Variants in ACSM2B observed in about 807,000 individuals in gnomAD.
ACSM2B encodes the protein acyl-CoA synthetase medium chain family member 2B, also known as acyl-coenzyme A synthetase ACSM2B, mitochondrial.
ACSM2B carries 58 observed loss-of-function variants against 78.6 expected under a neutral mutation model. That is an observed-to-expected ratio of 0.74 (90% CI 0.60 to 0.92). The LOEUF (loss-of-function observed/expected upper bound fraction) is 0.92, where lower values mean the gene tolerates loss of function less well. Ranked by LOEUF, ACSM2B falls within the 40% of genes least tolerant of loss-of-function variation. ACSM2B has a pLI of 0.00. For synonymous variants in ACSM2B, 257 were observed against 256.8 expected (o/e 1.00, Z -0.01); for missense variants, 688 against 711.2 (o/e 0.97, Z 0.37).
intron 1 of ACSM2B, among the ~76,000 whole-genome samples, chr16:20,570,068 T>C (rs2016052222): frequency 1.3e-5 from 2 of 151,928 alleles, no homozygotes; most frequent in African/African-American, 4.8e-5. Context: ...TCTTGTCTGA[T>C]TGATCTGGCT....
chr16:20,558,416 C>T (rs1464405392), intron 3 of ACSM2B, among the ~76,000 whole-genome samples: 3 of 150,184 alleles, frequency 2.0e-5, no homozygotes, highest in African/African-American at 4.8e-5. Flanking sequence ...ATTTAAGAAA[C>T]ATCCTCCATC....
chr16:20,561,034 G>A (rs1341188149), intron 2 of ACSM2B, among the ~76,000 whole-genome samples: 1 of 152,176 alleles, frequency 6.6e-6, no homozygotes, highest in Admixed American at 6.5e-5. Flanking sequence ...GAGCATTCAA[G>A]ATTTGACCTG....
chr16:20,559,548 T>C, intron 2 of ACSM2B, 101 bp from the exon 3 acceptor site: 1 of 1,447,868 alleles, frequency 6.9e-7, no homozygotes, highest in East Asian at 2.4e-5. Context: ...TAGTAAGGTT[T>C]TTTATCTCAG....
chr16:20,547,981 T>C, intron 8 of ACSM2B, 81 bp downstream of exon 8: 1 of 1,594,038 alleles, frequency 6.3e-7, no homozygotes, highest in Non-Finnish European at 8.5e-7. Flanking sequence ...TGATACATGG[T>C]GGCTAACATG....
chr16:20,537,154 T>G lies in ACSM2B; in HGVS notation c.*104A>C. ...CAGGGCAAGACAAAACTTACATTCA[T>G]GTTCTTTCATAAAGAATCTCATATC... On this transcript the variant is annotated 3_prime_UTR_variant, in exon 14 of 14. Transcript: ENST00000329697. 2.2e-6 allele frequency: 3 copies of G among 1,372,386 alleles called. No homozygotes were observed. The highest frequency in any genetic ancestry group is 3.0e-6 in the Non-Finnish European group (3 of 984,584). 85.0% of individuals were successfully genotyped at this position (1,372,386 alleles called of 1,614,324 possible). A position where few individuals can be genotyped will look rare whatever the true frequency, so the allele number is the denominator to read the frequency against.
chr16:20,538,712 A>G (rs2014908625), intron 13 of ACSM2B, among the ~76,000 whole-genome samples: 1 of 152,162 alleles, frequency 6.6e-6, no homozygotes, highest in African/African-American at 2.4e-5. Flanking sequence ...TCAGCATTCT[A>G]CAATATTCAG....
intron 2 of ACSM2B, among the ~76,000 whole-genome samples, chr16:20,559,687 A>G (rs2015590981): frequency 6.7e-6 from 1 of 150,212 alleles, no homozygotes; most frequent in Non-Finnish European, 1.5e-5. Context: ...TTTAGAAATA[A>G]CTGTAATAAA....
Position 20,548,390 on chromosome 16 carries a change from T to C in ACSM2B, c.974+4A>G, listed in dbSNP as rs769110427. The C allele has an allele frequency of 1.5e-5, 24 of 1,613,510 alleles. 2 individuals carry two copies. In the South Asian group the frequency reaches 2.5e-4, roughly 17 times the overall value. Reference sequence around the variant, plus strand: ...TCTCTTACCAATCCTCAAAGCCCCATCACCTGGAAAGATCCTGCTGTAGCA... The same window carrying C: ...TCTCTTACCAATCCTCAAAGCCCCACCACCTGGAAAGATCCTGCTGTAGCA... On this transcript the variant is annotated splice_donor_region_variant and intron_variant, in intron 7 of 13. Transcript: ENST00000329697.
rs1037011706 is a variant in ACSM2B at position 20,559,520 on chromosome 16, G to T, written c.178-73C>A. 9.7e-6 allele frequency: 15 copies of T among 1,547,068 alleles called. No homozygotes were observed. The African/African-American group carries it at 1.7e-4, about 17-fold the overall frequency. On this transcript the variant is annotated intron_variant, in intron 2 of 13. Coordinates refer to ENST00000329697, the MANE Select transcript of ACSM2B (RefSeq NM_001105069.2). The stretch of plus-strand genomic sequence containing the variant: ...AGGTAGGATAAATTCCAAGTCTTGG[G>T]ATTGCCAAGCTGGTGCTTAGTAAGG...
At chr16:20,554,032 C>G in intron 4 of ACSM2B, 112 bp from the exon 5 acceptor site, 6 of 1,306,914 alleles carry the variant, frequency 4.6e-6, no homozygotes, top group Non-Finnish European at 5.4e-6. Context: ...TTGATGGACC[C>G]ACCTCACAAG....
Position 20,552,020 on chromosome 16 carries a change from C to T in ACSM2B, c.894+124G>A, listed in dbSNP as rs143523647. 2.5e-3 allele frequency: 3,708 copies of T among 1,473,686 alleles called. 16 individuals are homozygous for T. Among genetic ancestry groups the T allele is most frequent in the Middle Eastern group, 0.013 (65 of 4,912 alleles). The allele number at this position is 1,473,686 out of a possible 1,614,324, so 91.3% of individuals were successfully genotyped here. On this transcript the variant is annotated intron_variant, in intron 6 of 13. Coordinates refer to ENST00000329697, the MANE Select transcript of ACSM2B (RefSeq NM_001105069.2). ...GACCATTTCCATCTCGTTTACTGAA[C>T]ACTGTTCTCCACATGGCAGAGGTTT...
At position 20,568,611 on chromosome 16, in the gene ACSM2B, G is replaced by T. The variant is rs188611431; in HGVS notation, c.-8-3758C>A. Reference sequence around the variant, plus strand: ...AGTAGTGGGATTGCTGGATCAAATGGTAGTTCTACTTTTCGTTCTTTGATG... The same window carrying T: ...AGTAGTGGGATTGCTGGATCAAATGTTAGTTCTACTTTTCGTTCTTTGATG... On this transcript the variant is annotated intron_variant, in intron 1 of 13. Coordinates refer to ENST00000329697, the MANE Select transcript of ACSM2B (RefSeq NM_001105069.2). Among the ~76,000 whole-genome samples, 1,179 of 151,558 alleles carry T rather than the reference G, an allele frequency of 7.8e-3. 23 individuals are homozygous for T. The highest frequency in any genetic ancestry group is 0.027 in the African/African-American group (1,135 of 41,398).
chr16:20,546,244 T>G, intron 9 of ACSM2B, 150 bp downstream of exon 9: 1 of 1,382,562 alleles, frequency 7.2e-7, no homozygotes, highest in Non-Finnish European at 9.5e-7. Context: ...ACTCTCTCCT[T>G]CCCCCTAACC....
At chr16:20,558,144 G>T (rs2015533365) in intron 3 of ACSM2B, among the ~76,000 whole-genome samples, 1 of 152,122 alleles carries the variant, frequency 6.6e-6, no homozygotes, top group African/African-American at 2.4e-5. Flanking sequence ...CATCATTATG[G>T]TAAACCCTAA....
intron 1 of ACSM2B, among the ~76,000 whole-genome samples, chr16:20,566,278 TATATATAGACAG>T (rs2015836129): frequency 8.4e-6 from 1 of 118,844 alleles, no homozygotes; most frequent in African/African-American, 2.9e-5. Flanking sequence ...TATATATATA[TATATATAGACAG>T]ATATATAGAT....
intron 6 of ACSM2B, among the ~76,000 whole-genome samples, chr16:20,550,632 G>A (rs1398328178): frequency 1.3e-5 from 2 of 152,066 alleles, no homozygotes; most frequent in Admixed American, 6.6e-5. Context: ...CTGGCTTTTT[G>A]ACTTTTGAAG....
chr16:20,556,285 A>G (rs1282776222), intron 3 of ACSM2B, among the ~76,000 whole-genome samples: 1 of 152,150 alleles, frequency 6.6e-6, no homozygotes, highest in Non-Finnish European at 1.5e-5. Context: ...GACTCCTTTG[A>G]TTTTTAAAAT....
chr16:20,572,663 A>G (rs975128226), intron 1 of ACSM2B, among the ~76,000 whole-genome samples: 5 of 150,714 alleles, frequency 3.3e-5, no homozygotes, highest in African/African-American at 4.9e-5. Flanking sequence ...ATTTCCTTGA[A>G]TACATTTCCC....
At chr16:20,565,701 G>T (rs2015804906) in intron 1 of ACSM2B, among the ~76,000 whole-genome samples, 1 of 151,938 alleles carries the variant, frequency 6.6e-6, no homozygotes, top group African/African-American at 2.4e-5. Flanking sequence ...TTCTTTATTG[G>T]TGATTTGTGA....
Sources: allele counts gnomAD v4.1 joint callset (sites outside exome capture counted in the v4.1 genomes callset), GRCh38; gene constraint gnomAD v4.1.1; transcripts MANE v1.5; gene names NCBI Gene and HGNC (gene_info 2026-07-23, HGNC 2026-07-21).